SYN3: variants seen among roughly 807,000 people sequenced by gnomAD.
SYN3 encodes synapsin-3.
In SYN3, 35 loss-of-function variants were observed where a neutral mutation model predicts 65.8. That is an observed-to-expected ratio of 0.53 (90% CI 0.41 to 0.70). The LOEUF (loss-of-function observed/expected upper bound fraction) is 0.70. Ranked by LOEUF, SYN3 falls within the 30% of genes least tolerant of loss-of-function variation. The pLI is 0.00. For synonymous variants in SYN3, 270 were observed against 292.9 expected (o/e 0.92, Z 0.80); for missense variants, 680 against 749.0 (o/e 0.91, Z 1.08).
chr22:32,628,120 C>G (rs907939704), intron 6 of SYN3, among the ~76,000 whole-genome samples: 8 of 152,118 alleles, frequency 5.3e-5, no homozygotes, highest in Non-Finnish European at 1.0e-4. Flanking sequence ...CCACCGCACC[C>G]GGCCAGAGGA....
At chr22:32,835,382 T>C (rs1022913088) in intron 6 of SYN3, among the ~76,000 whole-genome samples, 6 of 152,194 alleles carry the variant, frequency 3.9e-5, no homozygotes, top group African/African-American at 1.4e-4. Context: ...GGATGAGACA[T>C]GATTCAAATG....
At chr22:32,963,298 GC>G (rs1273968119) in intron 3 of SYN3, among the ~76,000 whole-genome samples, 2 of 148,432 alleles carry the variant, frequency 1.3e-5, no homozygotes, top group African/African-American at 5.0e-5. Flanking sequence ...TGTTGACCAG[GC>G]TGGTCTCAAA....
At chr22:32,970,008 G>A (rs948790249) in intron 3 of SYN3, among the ~76,000 whole-genome samples, 1 of 152,116 alleles carries the variant, frequency 6.6e-6, no homozygotes, top group African/African-American at 2.4e-5. Flanking sequence ...TCAGTGCATG[G>A]ATTATATCCT....
chr22:32,551,567 TA>T (rs1467228720), intron 7 of SYN3, among the ~76,000 whole-genome samples: 31 of 151,132 alleles, frequency 2.1e-4, no homozygotes, highest in African/African-American at 7.5e-4. Flanking sequence ...TTATAGATCA[TA>T]AGAGGCTTAT....
intron 6 of SYN3, among the ~76,000 whole-genome samples, chr22:32,770,032 AG>A (rs907156256): frequency 6.6e-6 from 1 of 152,154 alleles, no homozygotes; most frequent in Non-Finnish European, 1.5e-5. Flanking sequence ...CCTGACTTCT[AG>A]CCCCCCTGAC....
At chr22:32,805,766 C>G (rs970050528) in intron 6 of SYN3, among the ~76,000 whole-genome samples, 4 of 152,160 alleles carry the variant, frequency 2.6e-5, no homozygotes, top group African/African-American at 9.6e-5. Flanking sequence ...TCAGTTATAC[C>G]ATGCTTCAAA....
chr22:32,929,095 C>T lies in SYN3; in HGVS notation c.461+2295G>A, dbSNP rs150362512. Among the ~76,000 whole-genome samples, 754 of 152,180 alleles carry T rather than the reference C, an allele frequency of 5.0e-3. 7 individuals carry two copies. The highest frequency in any genetic ancestry group is 0.017 in the African/African-American group (725 of 41,524). On this transcript the variant is annotated intron_variant, in intron 4 of 13. Transcript: ENST00000358763. ...GTCAGGAGTTTGAGACCAGCCTGAC[C>T]GACATGGCAAAACCCTGTTTCTACT...
chr22:32,729,975 C>T (rs2061248139), intron 6 of SYN3, among the ~76,000 whole-genome samples: 1 of 152,154 alleles, frequency 6.6e-6, no homozygotes, highest in Non-Finnish European at 1.5e-5. Context: ...TAGATAATGA[C>T]TGCTTTCTAT....
intron 13 of SYN3, among the ~76,000 whole-genome samples, chr22:32,516,515 C>G (rs745416643): frequency 2.0e-5 from 3 of 152,072 alleles, no homozygotes; most frequent in Non-Finnish European, 4.4e-5. Flanking sequence ...AGGCGTGCAC[C>G]AGCACGCCCA....
At chr22:32,988,181 C>T (rs992996649) in intron 2 of SYN3, among the ~76,000 whole-genome samples, 1 of 151,940 alleles carries the variant, frequency 6.6e-6, no homozygotes, top group Non-Finnish European at 1.5e-5. Flanking sequence ...GTGGTGCATG[C>T]CTGTAATCCC....
intron 6 of SYN3, among the ~76,000 whole-genome samples, chr22:32,833,502 TG>T (rs1329970257): frequency 6.6e-6 from 1 of 152,218 alleles, no homozygotes; most frequent in Non-Finnish European, 1.5e-5. Flanking sequence ...AGTTTAACCT[TG>T]GGATGGGACT....
chr22:32,815,503 T>C (rs1162031236), intron 6 of SYN3, among the ~76,000 whole-genome samples: 1 of 152,220 alleles, frequency 6.6e-6, no homozygotes, highest in Non-Finnish European at 1.5e-5. Flanking sequence ...TAAACTCTCA[T>C]AACCACTCAT....
At chr22:32,514,756 C>G (rs2057742944) in intron 13 of SYN3, 1 of 152,528 alleles carries the variant, frequency 6.6e-6, no homozygotes, top group African/African-American at 2.4e-5. Flanking sequence ...GTGGCTCACG[C>G]CTGTAATCCC....
At position 32,781,685 on chromosome 22, in the gene SYN3, ATATTAT is replaced by A. The variant is rs565782373; in HGVS notation, c.711+83224_711+83229del. 9.6e-3 allele frequency among the ~76,000 whole-genome samples: 1,450 copies of A among 150,320 alleles called. 31 individuals carry two copies. Among genetic ancestry groups the A allele is most frequent in the African/African-American group, 0.034 (1,412 of 41,122 alleles). Reference sequence around the variant, plus strand: ...TTTGCTAATATTATTATTATTATTAATATTATTATTATTATTGTTGTTGTTGTTGAT... The same window carrying A: ...TTTGCTAATATTATTATTATTATTAATATTATTATTGTTGTTGTTGTTGAT... On this transcript the variant is annotated intron_variant, in intron 6 of 13. Coordinates refer to ENST00000358763, the MANE Select transcript of SYN3 (RefSeq NM_003490.4).
chr22:32,525,108 G>C (rs2057954067), intron 12 of SYN3, among the ~76,000 whole-genome samples: 1 of 150,660 alleles, frequency 6.6e-6, no homozygotes, highest in African/African-American at 2.4e-5. Context: ...TTCTGGAAAT[G>C]ATTTACCTTT....
intron 6 of SYN3, among the ~76,000 whole-genome samples, chr22:32,642,306 T>A (rs1169664052): frequency 1.3e-5 from 2 of 151,580 alleles, no homozygotes; most frequent in Non-Finnish European, 2.9e-5. Flanking sequence ...ATAATAATAA[T>A]AAAGAAGTTT....
intron 6 of SYN3, among the ~76,000 whole-genome samples, chr22:32,616,623 G>A (rs1300727542): frequency 6.6e-6 from 1 of 151,496 alleles, no homozygotes; most frequent in Non-Finnish European, 1.5e-5. Context: ...CATGCTTGGG[G>A]ACCAGATCGC....
intron 6 of SYN3, among the ~76,000 whole-genome samples, chr22:32,630,044 C>T (rs571127664): frequency 2.1e-4 from 32 of 149,104 alleles, no homozygotes; most frequent in African/African-American, 8.0e-4. Context: ...AGTACGGTGG[C>T]GCGATCTCGG....
In SYN3 at chr22:32,869,062, T is replaced by C. The variant is rs1190030439; in HGVS notation, c.525A>G (p.Glu175=). The C allele has an allele frequency of 3.4e-5, 55 of 1,614,114 alleles. No homozygotes were observed. Among genetic ancestry groups the C allele is most frequent in the Non-Finnish European group, 4.7e-5 (55 of 1,179,974 alleles). ...RQHAYSMALG[E]DYRSLVIGLQ... is the part of the protein sequence containing the mutation. ...GGCCGATGACCAGGCTGCGGTAGTC[T>C]TCCCCCAGGGCCATGCTGTAGGCAT... Residue 175 remains glutamate, a synonymous_variant, in exon 5 of 14, where the codon GAA becomes GAG. Coordinates refer to ENST00000358763, the MANE Select transcript of SYN3 (RefSeq NM_003490.4).
Sources: gnomAD v4.1 joint callset for allele counts (sites outside exome capture counted in the v4.1 genomes callset) on GRCh38, gnomAD v4.1.1 for gene constraint, MANE v1.5 for transcripts, NCBI Gene and HGNC (gene_info 2026-07-23, HGNC 2026-07-21) for gene names.